Variants in KDM4C observed in about 807,000 individuals in gnomAD.
KDM4C encodes lysine demethylase 4C.
KDM4C carries 81 observed loss-of-function variants against 129.3 expected under a neutral mutation model. The ratio of observed to expected loss-of-function variants is 0.63; its 90% CI spans 0.52 to 0.75. KDM4C has a LOEUF of 0.75. KDM4C is among the 30% of genes least tolerant of loss of function. The pLI, the probability that KDM4C is intolerant of heterozygous loss-of-function variation, is 0.00. For synonymous variants in KDM4C, 573 were observed against 456.1 expected, an observed-to-expected ratio of 1.26 and a Z score of -3.26; for missense variants, 1,457 against 1,304.0, an observed-to-expected ratio of 1.12 and a Z score of -1.81.
chr9:6,940,068 T>TCC (rs1491408222), intron 8 of KDM4C, among the ~76,000 whole-genome samples: 1,507 of 86,774 alleles, frequency 0.017, 24 homozygotes, highest in South Asian at 0.038. Context: ...CTTCCCTCCT[T>TCC]CTCTCTCTCT....
intron 12 of KDM4C, among the ~76,000 whole-genome samples, chr9:7,010,798 C>G (rs541811302): frequency 3.9e-5 from 6 of 152,276 alleles, no homozygotes; most frequent in African/African-American, 1.4e-4. Flanking sequence ...AATTCCAGCA[C>G]TTTGGGAGGC....
intron 9 of KDM4C, chr9:6,981,862 G>A (rs1816820691): frequency 3.6e-6 from 1 of 277,522 alleles, no homozygotes; most frequent in Non-Finnish European, 8.6e-6. Flanking sequence ...TAATATTTGT[G>A]CATTGGAGGA....
Position 7,027,543 on chromosome 9 carries a change from C to G in KDM4C, c.2259+11614C>G, listed in dbSNP as rs375540350. The stretch of plus-strand genomic sequence containing the variant: ...TGTGCTGGTTCAGAACTGAAGCAAG[C>G]ACAGCATTAGATCTCACCTAACGCT... On this transcript the variant is annotated intron_variant, in intron 15 of 21. Coordinates refer to ENST00000381309, the MANE Select transcript of KDM4C (RefSeq NM_015061.6). 5.3e-5 allele frequency among the ~76,000 whole-genome samples: 8 copies of G among 152,314 alleles called. No homozygotes were observed. The East Asian group carries it at 1.2e-3, about 22-fold the overall frequency.
At chr9:6,859,383 G>T (rs1401257834) in intron 5 of KDM4C, among the ~76,000 whole-genome samples, 4 of 148,314 alleles carry the variant, frequency 2.7e-5, no homozygotes, top group Admixed American at 6.8e-5. Context: ...GCTGAGGCAG[G>T]AGAATCACTT....
chr9:7,160,685 G>A lies in KDM4C; in HGVS notation c.2782-4553G>A, dbSNP rs183713366. Among the ~76,000 whole-genome samples, 48 of 152,274 alleles carry A rather than the reference G, an allele frequency of 3.2e-4. 1 individual carries two copies. The highest frequency in any genetic ancestry group is 8.7e-4 in the African/African-American group (36 of 41,558). On this transcript the variant is annotated intron_variant, in intron 19 of 21. Transcript: ENST00000381309. Reference sequence around the variant, plus strand: ...GGCAGAACAGCAAATATTGCTGCCTGATCCTTCCTCTGGAAGCTTCGTCCC... The same window carrying A: ...GGCAGAACAGCAAATATTGCTGCCTAATCCTTCCTCTGGAAGCTTCGTCCC...
chr9:6,862,503 C>A (rs1224336406), intron 5 of KDM4C, among the ~76,000 whole-genome samples: 1 of 152,032 alleles, frequency 6.6e-6, no homozygotes, highest in Non-Finnish European at 1.5e-5. Flanking sequence ...GTAGTTTTCC[C>A]TTAAAGGCTA....
At chr9:6,951,243 C>T (rs1437283167) in intron 8 of KDM4C, among the ~76,000 whole-genome samples, 1 of 152,186 alleles carries the variant, frequency 6.6e-6, no homozygotes, top group Non-Finnish European at 1.5e-5. Flanking sequence ...AGTCATCCTA[C>T]AGTGGTATGG....
At chr9:6,841,048 G>A (rs961041661) in intron 4 of KDM4C, among the ~76,000 whole-genome samples, 5 of 152,146 alleles carry the variant, frequency 3.3e-5, no homozygotes, top group East Asian at 1.9e-4. Flanking sequence ...TGATGACTTC[G>A]TTAAGTTACG....
At chr9:6,862,181 A>G (rs569402828) in intron 5 of KDM4C, among the ~76,000 whole-genome samples, 2 of 152,310 alleles carry the variant, frequency 1.3e-5, no homozygotes, top group South Asian at 2.1e-4. Context: ...AGTGTGGTTA[A>G]AAAACTGAGT....
At chr9:7,103,207 A>G (rs1381022743) in intron 17 of KDM4C, among the ~76,000 whole-genome samples, 1 of 152,192 alleles carries the variant, frequency 6.6e-6, no homozygotes, top group Non-Finnish European at 1.5e-5. Flanking sequence ...TGGAAAACTT[A>G]ACTTGCCCCT....
intron 12 of KDM4C, among the ~76,000 whole-genome samples, chr9:6,994,205 C>G (rs1819275399): frequency 6.6e-6 from 1 of 152,126 alleles, no homozygotes; most frequent in Non-Finnish European, 1.5e-5. Flanking sequence ...GGAGCTTAGG[C>G]TTCTGCTCAC....
intron 8 of KDM4C, among the ~76,000 whole-genome samples, chr9:6,949,034 G>A (rs1412341784): frequency 6.6e-6 from 1 of 151,908 alleles, no homozygotes; most frequent in Non-Finnish European, 1.5e-5. Context: ...GGGCAGAGGG[G>A]CTCCTCACTT....
intron 1 of KDM4C, among the ~76,000 whole-genome samples, chr9:6,759,650 C>G (rs986092405): frequency 6.6e-6 from 1 of 152,124 alleles, no homozygotes; most frequent in Admixed American, 6.6e-5. Context: ...TAGTCAGTTG[C>G]TTTTCTAAAG....
intron 8 of KDM4C, among the ~76,000 whole-genome samples, chr9:6,903,040 A>G (rs1817671510): frequency 6.6e-6 from 1 of 152,192 alleles, no homozygotes; most frequent in Non-Finnish European, 1.5e-5. Flanking sequence ...ATTACTGCTA[A>G]GCTTTGACTG....
intron 6 of KDM4C, among the ~76,000 whole-genome samples, chr9:6,885,243 A>G (rs1286626213): frequency 6.6e-6 from 1 of 152,188 alleles, no homozygotes; most frequent in Non-Finnish European, 1.5e-5. Context: ...TACCTTTTCT[A>G]AAGTGTCATA....
chr9:6,852,878 G>A (rs17509780), intron 5 of KDM4C, among the ~76,000 whole-genome samples: 10,275 of 152,092 alleles, frequency 0.068, 487 homozygotes, highest in Non-Finnish European at 0.1. Context: ...TGGACTATGT[G>A]CTGCCCCTAC....
At chr9:6,979,396 A>G (rs1816368890) in intron 8 of KDM4C, among the ~76,000 whole-genome samples, 2 of 152,164 alleles carry the variant, frequency 1.3e-5, no homozygotes, top group South Asian at 4.1e-4. Context: ...AGTATGCAGG[A>G]AGGTGGTGTG....
intron 2 of KDM4C, among the ~76,000 whole-genome samples, chr9:6,799,664 A>T (rs1286291345): frequency 6.7e-6 from 1 of 149,328 alleles, no homozygotes; most frequent in Non-Finnish European, 1.5e-5. Context: ...TTTTTTTACA[A>T]AACAGAAAAA....
At chr9:6,967,429 A>T (rs563841157) in intron 8 of KDM4C, among the ~76,000 whole-genome samples, 1 of 152,030 alleles carries the variant, frequency 6.6e-6, no homozygotes, top group Non-Finnish European at 1.5e-5. Flanking sequence ...ACTAAAAAAA[A>T]AAAAAAAAAA....
Sources: allele counts gnomAD v4.1 joint callset (sites outside exome capture counted in the v4.1 genomes callset), GRCh38; gene constraint gnomAD v4.1.1; transcripts MANE v1.5; gene names NCBI Gene and HGNC (gene_info 2026-07-23, HGNC 2026-07-21).